The following CD99L2 variants were observed in gnomAD, a reference collection of about 807,000 sequenced individuals.
The protein encoded by CD99L2 is CD99 molecule like 2, also known as CD99 antigen-like protein 2.
A neutral mutation model predicts 27.3 loss-of-function variants in CD99L2; 24 were observed. The ratio of observed to expected loss-of-function variants is 0.88; its 90% CI spans 0.64 to 1.24. The LOEUF is 1.24. Among genes scored for constraint, CD99L2 ranks in the 50% most tolerant of loss-of-function variants. The pLI is 0.00. For synonymous variants in CD99L2, 97 were observed against 87.9 expected, an observed-to-expected ratio of 1.10 and a Z score of -0.58; for missense variants, 255 against 221.6, an observed-to-expected ratio of 1.15 and a Z score of -0.96.
chrX:150,887,158 A>C (rs1557422646), intron 1 of CD99L2, among the ~76,000 whole-genome samples: 1 of 106,847 alleles, frequency 9.4e-6, no homozygotes, highest in African/African-American at 3.4e-5. Flanking sequence ...AAAAAAAAAC[A>C]ATGAAGGCCA....
At position 150,778,681 on chromosome X, in the gene CD99L2, A is replaced by T. The variant is rs1295023019; in HGVS notation, c.497-1199T>A. 8.5e-3 allele frequency among the ~76,000 whole-genome samples: 206 copies of T among 24,094 alleles called. 1 individual carries two copies. Among genetic ancestry groups the T allele is most frequent in the African/African-American group, 0.017 (192 of 11,066 alleles). 20.9% of individuals were successfully genotyped at this position (24,094 alleles called of 115,157 possible). ...TACAACTTAAAGTATAATAAAAAAA[A>T]AAAAATATATATATATATATATATA... On this transcript the variant is annotated intron_variant, in intron 7 of 10. Coordinates refer to ENST00000370377, the MANE Select transcript of CD99L2 (RefSeq NM_031462.4).
chrX:150,869,455 C>T lies in CD99L2; in HGVS notation c.67+29067G>A, dbSNP rs782446854. ...CCCTCCACTAAGCACTTTGGACATA[C>T]CTTACTCTAGTTCATTTCCACTTTG... On this transcript the variant is annotated intron_variant, in intron 1 of 10. Transcript: ENST00000370377. 2.8e-3 allele frequency among the ~76,000 whole-genome samples: 313 copies of T among 112,613 alleles called. 1 individual carries two copies. Among genetic ancestry groups the T allele is most frequent in the Middle Eastern group, 4.6e-3 (1 of 216 alleles).
At chrX:150,856,545 T>C (rs1361046210) in intron 1 of CD99L2, among the ~76,000 whole-genome samples, 5 of 98,740 alleles carry the variant, frequency 5.1e-5, no homozygotes, top group African/African-American at 1.9e-4. Flanking sequence ...AGAATAATTA[T>C]GCTGAGTGAC....
intron 2 of CD99L2, among the ~76,000 whole-genome samples, chrX:150,824,007 G>A (rs148426442): frequency 0.044 from 4,417 of 101,180 alleles, 102 homozygotes; most frequent in Non-Finnish European, 0.064. Context: ...AAGAAGAAGA[G>A]GAGGAGGAGG....
In CD99L2 at chrX:150,784,654, C is replaced by G. The variant is rs1438970530; in HGVS notation, c.497-7172G>C. On this transcript the variant is annotated intron_variant, in intron 7 of 10. Transcript: ENST00000370377. ...CCACCAGTAATGTGGCCCAGAGGAT[C>G]AGCAGGCTCACCCTGGCTTCGCCAA... is the stretch of plus-strand genomic sequence containing the variant. Among the ~76,000 whole-genome samples, 8 of 112,444 alleles carry G rather than the reference C, an allele frequency of 7.1e-5. No homozygotes were observed. In the Admixed American group the frequency reaches 7.5e-4, roughly 11 times the overall value.
intron 1 of CD99L2, among the ~76,000 whole-genome samples, chrX:150,879,728 G>A (rs1433137686): frequency 5.3e-5 from 4 of 76,094 alleles, no homozygotes; most frequent in East Asian, 4.3e-4. Flanking sequence ...GCAACATGGC[G>A]AAACCCTGTC....
At chrX:150,791,892 T>G (rs1396490809) in intron 7 of CD99L2, among the ~76,000 whole-genome samples, 1 of 111,850 alleles carries the variant, frequency 8.9e-6, no homozygotes, top group Non-Finnish European at 1.9e-5. Context: ...AAATAATGTA[T>G]TGTTTCAAAA....
At chrX:150,833,504 C>T (rs1182763513) in intron 1 of CD99L2, among the ~76,000 whole-genome samples, 2 of 111,898 alleles carry the variant, frequency 1.8e-5, no homozygotes, top group African/African-American at 6.5e-5. Context: ...CCAAAGCAAT[C>T]TTGAGCAAAA....
intron 7 of CD99L2, among the ~76,000 whole-genome samples, chrX:150,788,133 C>G (rs972024462): frequency 9.2e-6 from 1 of 109,057 alleles, no homozygotes; most frequent in Non-Finnish European, 1.9e-5. Context: ...AACATAGATG[C>G]AAAAATCCTC....
In CD99L2 at chrX:150,815,628, C is replaced by T. The variant is rs1042137772; in HGVS notation, c.202+379G>A. ...AAGAACCAAGTCCCAAAATCCTTTA[C>T]TGAAAGATGACACTGTAAAATAAAT... On this transcript the variant is annotated intron_variant, in intron 3 of 10. Coordinates refer to ENST00000370377, the MANE Select transcript of CD99L2 (RefSeq NM_031462.4). Among the ~76,000 whole-genome samples the T allele has an allele frequency of 4.4e-5, 5 of 112,374 alleles. 1 individual carries two copies. The Admixed American group carries it at 4.7e-4, about 11-fold the overall frequency.
At chrX:150,888,275 A>C (rs2047445530) in intron 1 of CD99L2, among the ~76,000 whole-genome samples, 1 of 112,190 alleles carries the variant, frequency 8.9e-6, no homozygotes, top group Non-Finnish European at 1.9e-5. Context: ...GGGTGGAAAC[A>C]ACCCAAATGT....
intron 7 of CD99L2, among the ~76,000 whole-genome samples, chrX:150,777,716 C>T (rs1490223337): frequency 2.7e-5 from 3 of 112,436 alleles, no homozygotes; most frequent in Non-Finnish European, 5.6e-5. Flanking sequence ...AAAATGGCAG[C>T]CACCTTGCCC....
intron 1 of CD99L2, among the ~76,000 whole-genome samples, chrX:150,855,953 C>T (rs1189536160): frequency 8.9e-6 from 1 of 112,038 alleles, no homozygotes; most frequent in East Asian, 2.8e-4. Flanking sequence ...CCAGGAAACT[C>T]ATACAGTCAC....
rs1265025336 is a variant in CD99L2, at chrX:150,835,720, C to G, written c.68-4427G>C. ...CCTTCCTCAAACAACCTATCTATCCCCACCAAAAATAAAAATTAAAAAATA... is the reference window on the plus strand; with the variant it reads ...CCTTCCTCAAACAACCTATCTATCCGCACCAAAAATAAAAATTAAAAAATA... On this transcript the variant is annotated intron_variant, in intron 1 of 10. Transcript: ENST00000370377. 3.6e-5 allele frequency among the ~76,000 whole-genome samples: 4 copies of G among 111,498 alleles called. No homozygotes were observed. In the Admixed American group the frequency reaches 3.8e-4, roughly 11 times the overall value.
intron 1 of CD99L2, among the ~76,000 whole-genome samples, chrX:150,840,225 GAAAGAAAGAA>G (rs782814033): frequency 0.012 from 1,200 of 101,998 alleles, 29 homozygotes; most frequent in African/African-American, 0.041. Context: ...AAAAAAGAAA[GAAAGAAAGAA>G]AAAGAAAGAA....
At chrX:150,895,073 CCAAA>C (rs2047584576) in intron 1 of CD99L2, among the ~76,000 whole-genome samples, 2 of 111,680 alleles carry the variant, frequency 1.8e-5, no homozygotes. Flanking sequence ...AAGTGGGTTA[CCAAA>C]CAGTTACCTG....
At position 150,877,306 on chromosome X, in the gene CD99L2, T is replaced by C. The variant is rs1463812693; in HGVS notation, c.67+21216A>G. Reference sequence around the variant, plus strand: ...TAAAAAGACAAATCCTTAGTAAAAATAGGAGTCAGGATTTATCCTTAATGT... The same window carrying C: ...TAAAAAGACAAATCCTTAGTAAAAACAGGAGTCAGGATTTATCCTTAATGT... On this transcript the variant is annotated intron_variant, in intron 1 of 10. Coordinates refer to ENST00000370377, the MANE Select transcript of CD99L2 (RefSeq NM_031462.4). 2.7e-5 allele frequency among the ~76,000 whole-genome samples: 3 copies of C among 111,303 alleles called. No homozygotes were observed. In the South Asian group the frequency reaches 1.1e-3, roughly 42 times the overall value.
chrX:150,814,731 T>C (rs1160853595), intron 4 of CD99L2, 131 bp downstream of exon 4: 1 of 523,899 alleles, frequency 1.9e-6, no homozygotes, highest in African/African-American at 2.3e-5. Context: ...AGAACTACTG[T>C]TACAGGGTTC....
intron 10 of CD99L2, among the ~76,000 whole-genome samples, chrX:150,769,679 G>GGCTCTGTTCAGGATGTAATTGTATT (rs2043389724): frequency 1.1e-5 from 1 of 87,955 alleles, no homozygotes; most frequent in African/African-American, 7.0e-5. Context: ...CTCCCTGCCT[G>GGCTCTGTTCAGGATGTAATTGTATT]CGCCACCAGG....
Sources: allele counts gnomAD v4.1 joint callset (sites outside exome capture counted in the v4.1 genomes callset), GRCh38; gene constraint gnomAD v4.1.1; transcripts MANE v1.5; gene names NCBI Gene and HGNC (gene_info 2026-07-23, HGNC 2026-07-21).